Variants in PID1 observed in about 807,000 individuals in gnomAD.
PID1 encodes the protein phosphotyrosine interaction domain containing 1, also known as PTB-containing, cubilin and LRP1-interacting protein.
A neutral mutation model predicts 19.1 loss-of-function variants in PID1; 10 were observed. That is an observed-to-expected ratio of 0.52 (90% CI 0.32 to 0.89). The LOEUF (loss-of-function observed/expected upper bound fraction) is 0.89. PID1 is among the 40% of genes least tolerant of loss of function. The pLI is 0.03. For synonymous variants in PID1, 130 were observed against 116.0 expected, an observed-to-expected ratio of 1.12 and a Z score of -0.78; for missense variants, 248 against 285.3, an observed-to-expected ratio of 0.87 and a Z score of 0.94.
chr2:229,189,277 C>T (rs536823087), intron 1 of PID1, among the ~76,000 whole-genome samples: 18 of 152,350 alleles, frequency 1.2e-4, no homozygotes, highest in African/African-American at 4.3e-4. Context: ...AATTTACACA[C>T]TACCTGGGCC....
chr2:229,266,069 G>T (rs1690584833), intron 1 of PID1, among the ~76,000 whole-genome samples: 1 of 152,166 alleles, frequency 6.6e-6, no homozygotes, highest in Non-Finnish European at 1.5e-5. Context: ...GGGAGACTAA[G>T]GCCCCGGATT....
intron 2 of PID1, among the ~76,000 whole-genome samples, chr2:229,026,439 A>G (rs1693425265): frequency 6.6e-6 from 1 of 152,212 alleles, no homozygotes; most frequent in Non-Finnish European, 1.5e-5. Flanking sequence ...TTCCTTTAAC[A>G]TCATAAAGTC....
intron 2 of PID1, among the ~76,000 whole-genome samples, chr2:229,065,045 C>T (rs1694293805): frequency 6.6e-6 from 1 of 152,000 alleles, no homozygotes. Flanking sequence ...AATCACTGGC[C>T]CCATATTGAT....
chr2:229,108,279 T>C (rs143214084), intron 2 of PID1, among the ~76,000 whole-genome samples: 1 of 152,212 alleles, frequency 6.6e-6, no homozygotes, highest in African/African-American at 2.4e-5. Context: ...TAACTCAGTT[T>C]ATTAGTTTAT....
intron 2 of PID1, among the ~76,000 whole-genome samples, chr2:229,069,143 T>TGTGTGTGTG (rs1553559154): frequency 0.058 from 8,155 of 140,538 alleles, 280 homozygotes; most frequent in Middle Eastern, 0.1. Flanking sequence ...AGAAGGGTTT[T>TGTGTGTGTG]TGTGTGTGTG....
intron 1 of PID1, among the ~76,000 whole-genome samples, chr2:229,205,972 A>T (rs955232287): frequency 6.6e-6 from 1 of 152,178 alleles, no homozygotes; most frequent in Non-Finnish European, 1.5e-5. Flanking sequence ...TCCCTGACAA[A>T]TAAGAGACAA....
At chr2:229,127,501 G>C (rs968440386) in intron 2 of PID1, among the ~76,000 whole-genome samples, 2 of 152,162 alleles carry the variant, frequency 1.3e-5, no homozygotes, top group African/African-American at 4.8e-5. Flanking sequence ...ATTCTGAGTA[G>C]AGGGGATCAG....
chr2:229,117,394 G>C (rs185510800), intron 2 of PID1, among the ~76,000 whole-genome samples: 1 of 152,014 alleles, frequency 6.6e-6, no homozygotes, highest in Non-Finnish European at 1.5e-5. Context: ...GATGTACCAT[G>C]CTTGTATCCC....
At chr2:229,151,286 G>T (rs141115923) in intron 2 of PID1, among the ~76,000 whole-genome samples, 5 of 152,100 alleles carry the variant, frequency 3.3e-5, no homozygotes, top group Admixed American at 6.5e-5. Flanking sequence ...GAATCCGGTG[G>T]GGGGGAGCAC....
intron 1 of PID1, among the ~76,000 whole-genome samples, chr2:229,201,415 T>C (rs1405059334): frequency 6.6e-6 from 1 of 152,062 alleles, no homozygotes; most frequent in African/African-American, 2.4e-5. Context: ...CTTAGCATAA[T>C]GCCCTCAAGG....
At chr2:229,190,792 T>C (rs911588553) in intron 1 of PID1, among the ~76,000 whole-genome samples, 1 of 152,184 alleles carries the variant, frequency 6.6e-6, no homozygotes, top group African/African-American at 2.4e-5. Context: ...CAACAATTTG[T>C]TGTGGGCTGG....
chr2:229,150,360 C>G (rs1690226338), intron 2 of PID1, among the ~76,000 whole-genome samples: 1 of 152,116 alleles, frequency 6.6e-6, no homozygotes, highest in African/African-American at 2.4e-5. Flanking sequence ...GAAGCAACCC[C>G]CTGAAGCCAA....
intron 1 of PID1, among the ~76,000 whole-genome samples, chr2:229,267,377 T>G (rs926338086): frequency 1.3e-5 from 2 of 152,228 alleles, no homozygotes; most frequent in African/African-American, 2.4e-5. Flanking sequence ...CTGTTTTTTC[T>G]GAATCTGCCA....
chr2:229,074,889 C>T (rs564309403), intron 2 of PID1, among the ~76,000 whole-genome samples: 18 of 152,214 alleles, frequency 1.2e-4, no homozygotes, highest in African/African-American at 3.1e-4. Flanking sequence ...AAAACTAGTT[C>T]GACCAATATT....
chr2:229,185,549 TAA>T (rs1381656997), intron 1 of PID1, among the ~76,000 whole-genome samples: 1 of 152,036 alleles, frequency 6.6e-6, no homozygotes, highest in Non-Finnish European at 1.5e-5. Context: ...TGGGGGAAGG[TAA>T]AGAGGAGTAA....
chr2:229,087,893 T>C (rs534040654), intron 2 of PID1, among the ~76,000 whole-genome samples: 77 of 152,258 alleles, frequency 5.1e-4, no homozygotes, highest in African/African-American at 1.8e-3. Context: ...GTCAATTACG[T>C]ATATGGTTCA....
intron 1 of PID1, among the ~76,000 whole-genome samples, chr2:229,235,833 G>A (rs749991608): frequency 1.6e-4 from 24 of 152,190 alleles, no homozygotes; most frequent in Non-Finnish European, 3.2e-4. Flanking sequence ...TCCATGGAAA[G>A]AGATTCAACA....
intron 2 of PID1, among the ~76,000 whole-genome samples, chr2:229,061,636 C>T (rs1187580396): frequency 6.6e-6 from 1 of 151,438 alleles, no homozygotes; most frequent in African/African-American, 2.4e-5. Context: ...TTTCTATTTC[C>T]TTGAAAAAAA....
chr2:229,228,267 A>C (rs938579067), intron 1 of PID1, among the ~76,000 whole-genome samples: 1 of 147,358 alleles, frequency 6.8e-6, no homozygotes, highest in Non-Finnish European at 1.5e-5. Flanking sequence ...TATTAGGAGC[A>C]GTCATTTTCT....
Sources: gnomAD v4.1 joint callset for allele counts (sites outside exome capture counted in the v4.1 genomes callset) on GRCh38, gnomAD v4.1.1 for gene constraint, MANE v1.5 for transcripts, NCBI Gene and HGNC (gene_info 2026-07-23, HGNC 2026-07-21) for gene names.